Variants in ADAMTS13 observed in about 807,000 individuals in gnomAD.
The protein encoded by ADAMTS13 is ADAM metallopeptidase with thrombospondin type 1 motif 13.
A neutral mutation model predicts 155.1 loss-of-function variants in ADAMTS13; 110 were observed. The ratio of observed to expected loss-of-function variants is 0.71; its 90% CI spans 0.61 to 0.83. The LOEUF is 0.83. Among genes scored for constraint, ADAMTS13 ranks in the 40% least tolerant of loss-of-function variants. The pLI is 0.00. For synonymous variants in ADAMTS13, 758 were observed against 756.4 expected, an observed-to-expected ratio of 1.00 and a Z score of -0.03; for missense variants, 1,707 against 1,891.7, an observed-to-expected ratio of 0.90 and a Z score of 1.81.
intron 13 of ADAMTS13, 22 bp from the exon 14 acceptor site, chr9:133,438,224 C>T: frequency 1.2e-6 from 2 of 1,614,130 alleles, no homozygotes; most frequent in Non-Finnish European, 1.7e-6. Context: ...GACACGGGCC[C>T]TCTGTCCTTC....
At position 133,449,769 on chromosome 9, in the gene ADAMTS13, C is replaced by G. The variant is rs1842312949; in HGVS notation, c.2862-14C>G. The G allele has an allele frequency of 1.2e-6, 2 of 1,613,622 alleles. No individual in the cohort carries two copies. Among genetic ancestry groups the G allele is most frequent in the African/African-American group, 1.3e-5 (1 of 75,076 alleles). ...CTGGGGCTGTTTGGGGTCCCTGACTCCAGTTTGCTCCAGGTGGCAGTACAA... is the reference window on the plus strand; with the variant it reads ...CTGGGGCTGTTTGGGGTCCCTGACTGCAGTTTGCTCCAGGTGGCAGTACAA... On this transcript the variant is annotated splice_polypyrimidine_tract_variant and intron_variant, in intron 22 of 28. Transcript: ENST00000355699.
intron 8 of ADAMTS13, among the ~76,000 whole-genome samples, chr9:133,431,299 A>T (rs1840744714): frequency 6.7e-6 from 1 of 149,838 alleles, no homozygotes. Flanking sequence ...ATATTACAAC[A>T]TTAATTTTGA....
chr9:133,447,267 C>T (rs908017450), intron 21 of ADAMTS13, among the ~76,000 whole-genome samples: 3 of 151,412 alleles, frequency 2.0e-5, no homozygotes, highest in African/African-American at 7.3e-5. Flanking sequence ...TGTTTAAAAC[C>T]GAGACCAAAA....
chr9:133,427,049 T>C (rs1840330269), intron 6 of ADAMTS13, among the ~76,000 whole-genome samples: 1 of 152,228 alleles, frequency 6.6e-6, no homozygotes, highest in Admixed American at 6.5e-5. Flanking sequence ...GTGATCCACC[T>C]GCCTCGGTCT....
chr9:133,439,462 G>T lies in ADAMTS13; in HGVS notation c.1786+16G>T. 6.2e-7 allele frequency: 1 copy of T among 1,605,340 alleles called. No individual in the cohort carries two copies. Among genetic ancestry groups the T allele is most frequent in the South Asian group, 1.1e-5 (1 of 90,886 alleles). On this transcript the variant is annotated intron_variant, in intron 15 of 28. Coordinates refer to ENST00000355699, the MANE Select transcript of ADAMTS13 (RefSeq NM_139027.6). Reference sequence around the variant, plus strand: ...ACACACTTGGGTGAGTTGACTGGAGGACTCCCACCCAGTTAGCTAGACTGC... The same window carrying T: ...ACACACTTGGGTGAGTTGACTGGAGTACTCCCACCCAGTTAGCTAGACTGC...
intron 1 of ADAMTS13, 31 bp from the exon 2 acceptor site, chr9:133,423,070 C>T: frequency 6.2e-7 from 1 of 1,608,932 alleles, no homozygotes; most frequent in Non-Finnish European, 8.5e-7. Flanking sequence ...GCCACTATGC[C>T]CGGCCCCATC....
intron 24 of ADAMTS13, 103 bp from the exon 25 acceptor site, chr9:133,455,182 C>T: frequency 7.5e-7 from 1 of 1,324,558 alleles, no homozygotes; most frequent in Non-Finnish European, 1.1e-6. Flanking sequence ...TGCCTCCCAG[C>T]TTGTACAAGG....
rs1842748499 is a variant in ADAMTS13, at chr9:133,456,468, C to T, written c.3548-75C>T. On this transcript the variant is annotated intron_variant, in intron 26 of 28. Coordinates refer to ENST00000355699, the MANE Select transcript of ADAMTS13 (RefSeq NM_139027.6). This position sits in a 1 kb window ranked among gnomAD's most constrained non-coding sequence, Gnocchi z 4.4. ...GGAGAGGTGGGACTTGAACTCGGCT[C>T]AGTCTACCCTGGAGCCACTCCTCTG... 7 of 1,562,854 alleles carry T rather than the reference C, an allele frequency of 4.5e-6. No individual in the cohort carries two copies. In the South Asian group the frequency reaches 8.1e-5, roughly 18 times the overall value.
At position 133,443,517 on chromosome 9, in the gene ADAMTS13, A is replaced by G; in HGVS notation, c.2376A>G (p.Pro792=). 6.3e-7 allele frequency: 1 copy of G among 1,578,758 alleles called. No individual in the cohort carries two copies. Among genetic ancestry groups the G allele is most frequent in the Non-Finnish European group, 8.6e-7 (1 of 1,168,364 alleles). The change falls in exon 19 of 29, where the codon CCA becomes CCG. Residue 792 remains proline (P), a synonymous_variant. Transcript: ENST00000355699. The part of the protein sequence containing the change: ...PARCRAGAQQ[P]AVALETCNPQ... ...GGTGCAGAGCAGGGGCCCAGCAGCC[A>G]GCTGTGGCGCTGGAAACCTGCAACC...
At chr9:133,452,309 A>T (rs1262438578) in intron 23 of ADAMTS13, among the ~76,000 whole-genome samples, 1 of 151,858 alleles carries the variant, frequency 6.6e-6, no homozygotes, top group East Asian at 1.9e-4. Flanking sequence ...ACAGGGTTTC[A>T]CTATGTTGGC....
chr9:133,415,580 G>C (rs1464058313), intron 1 of ADAMTS13: 1 of 152,916 alleles, frequency 6.5e-6, no homozygotes, highest in Non-Finnish European at 1.5e-5. Flanking sequence ...TGTAGTCTTA[G>C]AGCCCAGCTT....
At position 133,436,879 on chromosome 9, in the gene ADAMTS13, C is replaced by A; in HGVS notation, c.1359C>A (p.Thr453=). ...LEFMSQQCAR[T]DGQPLRSSPG... ...TCATGTCGCAACAGTGCGCCAGGAC[C>A]GACGGCCAGCCGCTGCGCTCCTCCC... is the stretch of plus-strand genomic sequence containing the variant. Residue 453 remains threonine (T), a synonymous_variant, in exon 12 of 29, where the codon ACC becomes ACA. Transcript: ENST00000355699. 1 of 1,586,966 alleles carries A rather than the reference C, an allele frequency of 6.3e-7. No homozygotes were observed. The highest frequency in any genetic ancestry group is 8.6e-7 in the Non-Finnish European group (1 of 1,167,414).
At chr9:133,422,629 C>A in intron 1 of ADAMTS13, 81 bp downstream of exon 1, 1 of 1,393,890 alleles carries the variant, frequency 7.2e-7, no homozygotes, top group Non-Finnish European at 1.0e-6. Context: ...AGGGGAGTGC[C>A]AAATAGCTGA....
chr9:133,415,780 G>C (rs905961885), intron 1 of ADAMTS13: 1 of 152,196 alleles, frequency 6.6e-6, no homozygotes, highest in African/African-American at 2.4e-5. Flanking sequence ...TTCTTTCTTG[G>C]GAGAAGGAAG....
At chr9:133,452,642 G>A (rs36222283) in intron 23 of ADAMTS13, among the ~76,000 whole-genome samples, 275 of 152,216 alleles carry the variant, frequency 1.8e-3, no homozygotes, top group African/African-American at 6.4e-3. Context: ...AGGTAGCCCT[G>A]TTCTCTACAG....
Position 133,425,710 on chromosome 9 carries a change from C to T in ADAMTS13, c.414+98C>T, listed in dbSNP as rs1840235905. On this transcript the variant is annotated intron_variant, in intron 4 of 28. Transcript: ENST00000355699. This position sits in a 1 kb window ranked among gnomAD's most constrained non-coding sequence, Gnocchi z 4.6. The stretch of plus-strand genomic sequence containing the variant: ...AACCTCTTGTCCCGGATGCCCCAAG[C>T]AGCATGGATCACAGAATGCATTCAG... 2 of 1,440,592 alleles carry T rather than the reference C, an allele frequency of 1.4e-6. No individual in the cohort carries two copies. Among genetic ancestry groups the T allele is most frequent in the Non-Finnish European group, 1.9e-6 (2 of 1,047,998 alleles). 89.2% of individuals were successfully genotyped at this position (1,440,592 alleles called of 1,614,324 possible). A position where few individuals can be genotyped will look rare whatever the true frequency, so the allele number is the denominator to read the frequency against.
In ADAMTS13 at chr9:133,423,105, G is replaced by A; in HGVS notation, c.110G>A (p.Cys37Tyr). 1 of 1,613,746 alleles carries A rather than the reference G, an allele frequency of 6.2e-7. No homozygotes were observed. The highest frequency in any genetic ancestry group is 8.5e-7 in the Non-Finnish European group (1 of 1,179,926). Residue 37 changes from cysteine to tyrosine, a missense_variant, in exon 2 of 29, where the codon TGT becomes TAT. By Grantham distance (194) the Cys-to-Tyr change is radical. Coordinates refer to ENST00000355699, the MANE Select transcript of ADAMTS13 (RefSeq NM_139027.6). ...CCATCTCTTTTTGTCTTGCAGAGTT[G>A]TCTTCAGGCTTTGGAGCCACAGGCC... Reference protein sequence around the residue: ...CWGPSHFQQSCLQALEPQAVS... With the variant: ...CWGPSHFQQSYLQALEPQAVS...
At chr9:133,442,866 C>T (rs1841781788) in intron 18 of ADAMTS13, 123 bp downstream of exon 18, 3 of 1,410,360 alleles carry the variant, frequency 2.1e-6, no homozygotes, top group South Asian at 2.9e-5. Flanking sequence ...CCTGTGCAGG[C>T]TCTCATTACC....
upstream of ADAMTS13, among the ~76,000 whole-genome samples, chr9:133,419,681 G>C (rs1554782585): frequency 6.6e-6 from 1 of 152,142 alleles, no homozygotes; most frequent in Non-Finnish European, 1.5e-5. Context: ...CGAGGACAGA[G>C]AGATGGGAAC....
Sources: allele counts gnomAD v4.1 joint callset (sites outside exome capture counted in the v4.1 genomes callset), GRCh38; gene constraint gnomAD v4.1.1; non-coding constraint Gnocchi (gnomAD v3.1); transcripts MANE v1.5; gene names NCBI Gene and HGNC (gene_info 2026-07-23, HGNC 2026-07-21).